The following PKD1L3 variants were observed in gnomAD, a reference collection of about 807,000 sequenced individuals.
The protein encoded by PKD1L3 is polycystin 1 like 3, transient receptor potential channel interacting.
A neutral mutation model predicts 184.1 loss-of-function variants in PKD1L3; 239 were observed. The ratio of observed to expected loss-of-function variants is 1.30; its 90% CI spans 1.17 to 1.45. PKD1L3 has a LOEUF of 1.45. Ranked by LOEUF, PKD1L3 falls within the 40% of genes most tolerant of loss-of-function variation. The pLI is 0.00. For synonymous variants in PKD1L3, 996 were observed against 778.8 expected, an observed-to-expected ratio of 1.28 and a Z score of -4.64; for missense variants, 2,660 against 2,067.2, an observed-to-expected ratio of 1.29 and a Z score of -5.56.
At chr16:71,979,665 A>C in intron 9 of PKD1L3, 121 bp downstream of exon 9, 2 of 1,208,988 alleles carry the variant, frequency 1.7e-6, no homozygotes, top group African/African-American at 1.6e-5. Context: ...AATGCTACAT[A>C]AACTCTCTCA....
chr16:71,982,392 TCTC>T (rs1480609169), intron 6 of PKD1L3, among the ~76,000 whole-genome samples, 157 bp from the exon 7 acceptor site: 1 of 149,972 alleles, frequency 6.7e-6, no homozygotes, highest in East Asian at 2.0e-4. Flanking sequence ...TTCAAGCAAT[TCTC>T]CTGCCTCAGC....
intron 24 of PKD1L3, among the ~76,000 whole-genome samples, chr16:71,938,290 TG>T (rs1027670380): frequency 1.3e-5 from 2 of 152,234 alleles, no homozygotes; most frequent in African/African-American, 4.8e-5. Context: ...AGCCCCCTAC[TG>T]CCTCGGCCTT....
chr16:71,963,210 G>C lies in PKD1L3; in HGVS notation c.2607C>G (p.Ser869=). The C allele has an allele frequency of 6.5e-7, 1 of 1,548,588 alleles. No homozygotes were observed. The highest frequency in any genetic ancestry group is 1.2e-5 in the South Asian group (1 of 83,368). ...FIPVSKRELF[S]FRHLFSSMIV... is the part of the protein sequence containing the mutation. ...TAGTAATTTTCCAACAGTACCTAAA[G>C]GAAAAGAGCTCTCTCTTTGAAACTG... The change falls in exon 16 of 30, where the codon TCC becomes TCG. Residue 869 remains serine, a synonymous_variant. Coordinates refer to ENST00000620267, the MANE Select transcript of PKD1L3 (RefSeq NM_181536.2).
chr16:71,995,535 T>C (rs1182311181), intron 2 of PKD1L3, among the ~76,000 whole-genome samples: 2 of 152,204 alleles, frequency 1.3e-5, no homozygotes, highest in Non-Finnish European at 2.9e-5. Flanking sequence ...GGCAAATATA[T>C]ATGTTCTGTA....
chr16:71,979,915 A>C lies in PKD1L3; in HGVS notation c.1272-3T>G, dbSNP rs1413029385. ...GCGGTAAAGTTGATATGTTTTGTCT[A>C]ATGAGAAAAGTTAAAATGGAAGTCA... On this transcript the variant is annotated splice_polypyrimidine_tract_variant and splice_region_variant and intron_variant, in intron 8 of 29. Transcript: ENST00000620267. The C allele has an allele frequency of 6.4e-7, 1 of 1,550,740 alleles. No individual in the cohort carries two copies. The highest frequency in any genetic ancestry group is 1.4e-5 in the African/African-American group (1 of 72,968).
intron 24 of PKD1L3, 66 bp downstream of exon 24, chr16:71,942,494 G>C (rs2038394773): frequency 1.5e-6 from 2 of 1,359,396 alleles, no homozygotes; most frequent in Non-Finnish European, 2.0e-6. Flanking sequence ...CACATTCCTG[G>C]TTTTGCACTT....
intron 16 of PKD1L3, among the ~76,000 whole-genome samples, chr16:71,962,348 G>C (rs2039313285): frequency 6.6e-6 from 1 of 152,112 alleles, no homozygotes; most frequent in African/African-American, 2.4e-5. Flanking sequence ...TATTCTCCTA[G>C]GAATATTCTC....
chr16:71,941,462 T>C (rs528447968), intron 24 of PKD1L3, among the ~76,000 whole-genome samples: 2 of 151,084 alleles, frequency 1.3e-5, no homozygotes, highest in African/African-American at 4.9e-5. Flanking sequence ...AATGTCAAAA[T>C]GCTAGAAAAT....
intron 9 of PKD1L3, 22 bp from the exon 10 acceptor site, chr16:71,978,405 G>A (rs2040010768): frequency 6.5e-7 from 1 of 1,535,460 alleles, no homozygotes; most frequent in African/African-American, 1.4e-5. Context: ...GAGAAGCCCA[G>A]TTTTATCCAT....
chr16:71,994,937 A>G (rs760019727), intron 2 of PKD1L3, among the ~76,000 whole-genome samples: 87 of 152,132 alleles, frequency 5.7e-4, no homozygotes, highest in Non-Finnish European at 2.2e-4. Flanking sequence ...GCAGTGAGCC[A>G]AGATCACGCC....
chr16:71,951,876 A>G, intron 18 of PKD1L3, 132 bp from the exon 19 acceptor site: 2 of 773,964 alleles, frequency 2.6e-6, no homozygotes, highest in Non-Finnish European at 2.0e-6. Flanking sequence ...TCAATTTTTC[A>G]TGTTCCTCTA....
At chr16:71,940,681 G>T (rs1369975087) in intron 24 of PKD1L3, among the ~76,000 whole-genome samples, 1 of 151,882 alleles carries the variant, frequency 6.6e-6, no homozygotes, top group Non-Finnish European at 1.5e-5. Flanking sequence ...TGTATTTTTA[G>T]TAGATATGGG....
intron 24 of PKD1L3, among the ~76,000 whole-genome samples, chr16:71,941,487 A>C (rs563027829): frequency 6.6e-6 from 1 of 152,108 alleles, no homozygotes; most frequent in Non-Finnish European, 1.5e-5. Flanking sequence ...AAAAGTGAAC[A>C]GAAAAAATGG....
intron 11 of PKD1L3, among the ~76,000 whole-genome samples, chr16:71,973,951 G>A (rs1259767334): frequency 2.7e-5 from 4 of 149,968 alleles, no homozygotes; most frequent in Admixed American, 2.0e-4. Flanking sequence ...GCAGTGAGCC[G>A]AAATCGCACC....
At chr16:71,989,674 A>C (rs570806144) in intron 4 of PKD1L3, among the ~76,000 whole-genome samples, 1 of 152,306 alleles carries the variant, frequency 6.6e-6, no homozygotes, top group South Asian at 2.1e-4. Flanking sequence ...ATTGCATTGT[A>C]TTTTTGTAAG....
intron 5 of PKD1L3, among the ~76,000 whole-genome samples, 184 bp from the exon 6 acceptor site, chr16:71,984,351 C>A (rs180907412): frequency 6.6e-6 from 1 of 152,286 alleles, no homozygotes; most frequent in Admixed American, 6.5e-5. Flanking sequence ...ATTTCTACTT[C>A]TTCCATACGA....
At chr16:71,989,886 C>T (rs2040520833) in intron 4 of PKD1L3, among the ~76,000 whole-genome samples, 1 of 151,926 alleles carries the variant, frequency 6.6e-6, no homozygotes. Context: ...ACCAGCCTGG[C>T]CAACATAGCA....
At chr16:71,978,416 T>C (rs777767216) in intron 9 of PKD1L3, 33 bp from the exon 10 acceptor site, 1 of 1,530,928 alleles carries the variant, frequency 6.5e-7, no homozygotes, top group Middle Eastern at 1.7e-4. Flanking sequence ...TTTTATCCAT[T>C]GCTGAAATAT....
chr16:71,939,687 G>A lies in PKD1L3; in HGVS notation c.4325-2268C>T, dbSNP rs575271233. On this transcript the variant is annotated intron_variant, in intron 24 of 29. Coordinates refer to ENST00000620267, the MANE Select transcript of PKD1L3 (RefSeq NM_181536.2). ...AGTGGTCTACTCTCTGCAGGTCTGA[G>A]AGAAGAATTCTTGATTAGGAGAAAG... Among the ~76,000 whole-genome samples, 124 of 152,250 alleles carry A rather than the reference G, an allele frequency of 8.1e-4. 1 individual carries two copies. Among genetic ancestry groups the A allele is most frequent in the African/African-American group, 2.9e-3 (121 of 41,532 alleles).
Sources: allele counts gnomAD v4.1 joint callset (sites outside exome capture counted in the v4.1 genomes callset), GRCh38; gene constraint gnomAD v4.1.1; transcripts MANE v1.5; gene names NCBI Gene and HGNC (gene_info 2026-07-23, HGNC 2026-07-21).